The following FER variants were observed in gnomAD, a reference collection of about 807,000 sequenced individuals.
The protein encoded by FER is FER tyrosine kinase, also known as tyrosine-protein kinase Fer.
Under a neutral mutation model 111.0 loss-of-function variants are expected in FER, and 63 were observed. The ratio of observed to expected loss-of-function variants is 0.57; its 90% CI spans 0.46 to 0.70. FER has a LOEUF of 0.70. Ranked by LOEUF, FER falls within the 30% of genes least tolerant of loss-of-function variation. FER has a pLI of 0.00. For missense variants in FER, 914 were observed against 954.0 expected (o/e 0.96, Z 0.55); for synonymous variants, 327 against 313.9 (o/e 1.04, Z -0.44).
intron 13 of FER, among the ~76,000 whole-genome samples, chr5:109,028,980 G>A (rs934889990): frequency 6.6e-6 from 1 of 152,156 alleles, no homozygotes; most frequent in South Asian, 2.1e-4. Flanking sequence ...CTTTAAGCAT[G>A]CTAACAACCT....
intron 16 of FER, among the ~76,000 whole-genome samples, chr5:109,048,928 A>T (rs1327752395): frequency 1.3e-5 from 2 of 152,156 alleles, no homozygotes; most frequent in Non-Finnish European, 2.9e-5. Context: ...TGGCTACAGA[A>T]TATTCCATTT....
intron 6 of FER, among the ~76,000 whole-genome samples, chr5:108,868,882 G>C (rs943574998): frequency 4.6e-5 from 7 of 152,092 alleles, no homozygotes; most frequent in Admixed American, 1.3e-4. Context: ...GTGGTAAATT[G>C]ATATGAAAAA....
intron 17 of FER, among the ~76,000 whole-genome samples, chr5:109,175,879 C>T (rs563370507): frequency 4.1e-4 from 62 of 152,118 alleles, no homozygotes; most frequent in African/African-American, 1.3e-3. Flanking sequence ...TTTGGGAGGC[C>T]GAGGTGGGAG....
rs139281244 is a variant in FER, at chr5:109,166,873, A to C, written c.2049-13874A>C. On this transcript the variant is annotated intron_variant, in intron 17 of 19. Transcript: ENST00000281092. ...ATCAGGAATGTTCCAGAAAGACAAA[A>C]GTTGGAAGCTGCAAGGTCTCTTGTG... Among the ~76,000 whole-genome samples, 781 of 152,250 alleles carry C rather than the reference A, an allele frequency of 5.1e-3. 8 individuals are homozygous for C. The highest frequency in any genetic ancestry group is 0.018 in the African/African-American group (735 of 41,550).
intron 13 of FER, among the ~76,000 whole-genome samples, chr5:108,963,950 C>T (rs1471300962): frequency 2.0e-5 from 3 of 152,022 alleles, no homozygotes; most frequent in Non-Finnish European, 4.4e-5. Context: ...TTTATAGAGG[C>T]TTATAATATA....
chr5:108,755,167 T>A (rs1363551047), intron 1 of FER, among the ~76,000 whole-genome samples: 1 of 152,248 alleles, frequency 6.6e-6, no homozygotes, highest in Non-Finnish European at 1.5e-5. Flanking sequence ...ATTACATTAT[T>A]TGTATACAGG....
chr5:108,996,287 T>C (rs112599358), intron 13 of FER, among the ~76,000 whole-genome samples: 28,164 of 152,194 alleles, frequency 0.19, 2,815 homozygotes, highest in Non-Finnish European at 0.22. Context: ...TTGTCAACTT[T>C]GGATTTTGTT....
At chr5:109,033,318 A>T (rs1397191663) in intron 13 of FER, among the ~76,000 whole-genome samples, 1 of 152,150 alleles carries the variant, frequency 6.6e-6, no homozygotes. Context: ...TAGTATAATC[A>T]CTTTAGGAGA....
intron 2 of FER, among the ~76,000 whole-genome samples, chr5:108,777,570 G>A (rs901260484): frequency 2.6e-5 from 4 of 152,138 alleles, no homozygotes; most frequent in Non-Finnish European, 5.9e-5. Flanking sequence ...AAAATCCTCT[G>A]TACTCCAACT....
intron 16 of FER, chr5:109,052,082 G>C: frequency 1.2e-6 from 2 of 1,602,622 alleles, no homozygotes; most frequent in Non-Finnish European, 1.7e-6. Flanking sequence ...TGCTTCAAGT[G>C]CATCTCCACA....
chr5:108,802,468 A>T (rs1756767867), intron 3 of FER, among the ~76,000 whole-genome samples: 1 of 152,128 alleles, frequency 6.6e-6, no homozygotes, highest in African/African-American at 2.4e-5. Context: ...CAAAGTCGTA[A>T]GCATAATACC....
chr5:108,924,123 G>A (rs896580016), intron 10 of FER, among the ~76,000 whole-genome samples: 3 of 151,986 alleles, frequency 2.0e-5, no homozygotes, highest in Admixed American at 6.6e-5. Context: ...TTGGGAGGCC[G>A]AGGCGGGCGG....
intron 12 of FER, among the ~76,000 whole-genome samples, chr5:108,955,817 G>A (rs985450650): frequency 1.3e-5 from 2 of 151,750 alleles, no homozygotes; most frequent in Non-Finnish European, 3.0e-5. Context: ...TTAGTAACAG[G>A]TGTATGTACA....
At chr5:109,070,321 A>G (rs143103695) in intron 16 of FER, among the ~76,000 whole-genome samples, 6 of 152,114 alleles carry the variant, frequency 3.9e-5, no homozygotes, top group African/African-American at 1.4e-4. Flanking sequence ...CCAGTTCAGT[A>G]TAATATGTTG....
intron 13 of FER, among the ~76,000 whole-genome samples, chr5:109,001,185 A>G (rs1764716423): frequency 2.0e-5 from 3 of 152,344 alleles, no homozygotes; most frequent in South Asian, 4.1e-4. Context: ...ACAAAAAAAG[A>G]GAATTTTAGA....
At chr5:108,780,039 G>A (rs1237240850) in intron 2 of FER, among the ~76,000 whole-genome samples, 1 of 152,110 alleles carries the variant, frequency 6.6e-6, no homozygotes, top group Non-Finnish European at 1.5e-5. Context: ...ATGCTTATGT[G>A]TTAGATCGAC....
chr5:108,912,769 G>A (rs577063192), intron 10 of FER, among the ~76,000 whole-genome samples: 14 of 152,228 alleles, frequency 9.2e-5, no homozygotes, highest in Admixed American at 7.2e-4. Context: ...TGAAGGCCTG[G>A]GAAAAAAATT....
chr5:109,035,449 T>C (rs1561806358), intron 13 of FER, among the ~76,000 whole-genome samples: 1 of 152,254 alleles, frequency 6.6e-6, no homozygotes, highest in Non-Finnish European at 1.5e-5. Context: ...TTGCAAGTGC[T>C]CTGTTGTATG....
chr5:108,954,776 C>T lies in FER; in HGVS notation c.1377C>T (p.Asp459=). The part of the protein sequence containing the change: ...SISEKPLAEQ[D]WYHGAIPRIE... ...GTGAGAAGCCTTTGGCAGAACAGGA[C>T]TGGTACCATGGTGCAATTCCCAGAA... is the stretch of plus-strand genomic sequence containing the variant. The change falls in exon 12 of 20, where the codon GAC becomes GAT. Residue 459 remains aspartate (D), a synonymous_variant. Transcript: ENST00000281092. 1.2e-6 allele frequency: 2 copies of T among 1,611,338 alleles called. No individual in the cohort carries two copies. The highest frequency in any genetic ancestry group is 2.7e-5 in the African/African-American group (2 of 74,714).
Sources: gnomAD v4.1 joint callset for allele counts (sites outside exome capture counted in the v4.1 genomes callset) on GRCh38, gnomAD v4.1.1 for gene constraint, MANE v1.5 for transcripts, NCBI Gene and HGNC (gene_info 2026-07-23, HGNC 2026-07-21) for gene names.